Variants in HMX3 observed in about 807,000 individuals in gnomAD.
HMX3 encodes homeobox protein HMX3.
HMX3 carries 8 observed loss-of-function variants against 22.8 expected under a neutral mutation model. The ratio of observed to expected loss-of-function variants is 0.35; its 90% CI spans 0.21 to 0.63. The LOEUF is 0.63. Ranked by LOEUF, HMX3 falls within the 30% of genes least tolerant of loss-of-function variation. HMX3 has a pLI of 0.72. For missense variants in HMX3, 527 were observed against 520.6 expected (o/e 1.01, Z -0.12); for synonymous variants, 331 against 250.9 (o/e 1.32, Z -3.02).
chr10:123,136,209 G>A lies in HMX3; in HGVS notation c.159G>A (p.Arg53=), dbSNP rs1340437283. Residue 53 remains arginine, a synonymous_variant, in exon 1 of 2, where the codon CGG becomes CGA. Coordinates refer to ENST00000357878, the MANE Select transcript of HMX3 (RefSeq NM_001105574.2). The surrounding 1 kb of genome is among the most constrained non-coding windows in gnomAD (Gnocchi z 4.8). ...RPPPKPQPPP[R]TLFAPASAAA... ...CCCCTAAGCCTCAGCCGCCCCCACG[G>A]ACGCTCTTCGCGCCAGCCTCGGCTG... The A allele has an allele frequency of 5.1e-6, 7 of 1,373,432 alleles. No individual in the cohort carries two copies. The highest frequency in any genetic ancestry group is 2.0e-5 in the South Asian group (1 of 48,982). 85.1% of individuals were successfully genotyped at this position (1,373,432 alleles called of 1,614,324 possible).
At position 123,137,244 on chromosome 10, in the gene HMX3, C is replaced by T; in HGVS notation, c.587C>T (p.Ala196Val). 1 of 1,592,448 alleles carries T rather than the reference C, an allele frequency of 6.3e-7. No homozygotes were observed. Among genetic ancestry groups the T allele is most frequent in the African/African-American group, 1.3e-5 (1 of 74,690 alleles). The change falls in exon 2 of 2, where the codon GCC becomes GTC. Residue 196 changes from alanine (A) to valine (V), a missense_variant. Around this residue, in one of 3 missense-constraint regions of HMX3, gnomAD observed 386 missense variants for 337.8 expected, o/e 1.14. Coordinates refer to ENST00000357878, the MANE Select transcript of HMX3 (RefSeq NM_001105574.2). The surrounding 1 kb of genome is among the most constrained non-coding windows in gnomAD (Gnocchi z 5.8). Reference protein sequence around the residue: ...KKEGEAAPGAAGASVGAAAAT... With the variant: ...KKEGEAAPGAVGASVGAAAAT... ...GAAGGCGAAGCGGCGCCAGGCGCGG[C>T]CGGGGCGAGCGTAGGGGCGGCGGCG... is the stretch of plus-strand genomic sequence containing the variant.
Position 123,136,936 on chromosome 10 carries a change from G to A in HMX3, c.401-122G>A. The A allele has an allele frequency of 1.7e-6, 2 of 1,168,842 alleles. No homozygotes were observed. Among genetic ancestry groups the A allele is most frequent in the Admixed American group, 2.9e-5 (1 of 34,264 alleles). 72.4% of individuals were successfully genotyped at this position (1,168,842 alleles called of 1,614,324 possible). A position where few individuals can be genotyped will look rare whatever the true frequency, so the allele number is the denominator to read the frequency against. On this transcript the variant is annotated intron_variant, in intron 1 of 1. Transcript: ENST00000357878. This position sits in a 1 kb window ranked among gnomAD's most constrained non-coding sequence, Gnocchi z 4.8. ...GAAGGAGGCAGCCCGCGGGAATGGT[G>A]AGGCCTCATGGCCTGGGACCTGGAG...
Position 123,136,212 on chromosome 10 carries a change from G to A in HMX3, c.162G>A (p.Thr54=). Residue 54 remains threonine, a synonymous_variant, in exon 1 of 2, where the codon ACG becomes ACA. Transcript: ENST00000357878. The surrounding 1 kb of genome is among the most constrained non-coding windows in gnomAD (Gnocchi z 4.8). ...CTAAGCCTCAGCCGCCCCCACGGAC[G>A]CTCTTCGCGCCAGCCTCGGCTGCCG... The part of the protein sequence containing the change: ...PPPKPQPPPR[T]LFAPASAAAA... 7.4e-7 allele frequency: 1 copy of A among 1,357,800 alleles called. No homozygotes were observed. The highest frequency in any genetic ancestry group is 2.1e-5 in the South Asian group (1 of 46,832). 84.1% of individuals were successfully genotyped at this position (1,357,800 alleles called of 1,614,324 possible).
In HMX3 at chr10:123,139,345, G is replaced by T. The variant is rs1474047243; in HGVS notation, c.*1614G>T. Among the ~76,000 whole-genome samples the T allele has an allele frequency of 6.8e-6, 1 of 147,574 alleles. No homozygotes were observed. The highest frequency in any genetic ancestry group is 2.5e-5 in the African/African-American group (1 of 40,056). ...GTTGAGTCCCTTTTTAAGAAAAAGAGAAAAAAAAAACCCACAAAATATTGT... is the reference window on the plus strand; with the variant it reads ...GTTGAGTCCCTTTTTAAGAAAAAGATAAAAAAAAAACCCACAAAATATTGT... On this transcript the variant is annotated 3_prime_UTR_variant, in exon 2 of 2. Transcript: ENST00000357878.
rs1217506479 is a variant in HMX3, at chr10:123,138,149, T to TTTG, written c.*420_*421insGTT. On this transcript the variant is annotated 3_prime_UTR_variant, in exon 2 of 2. Transcript: ENST00000357878. ...TCCCTCTAGTTTATTCTTTTCTGCT[T>TTTG]TTTTTTTTTTTTCCGAGACGGAATC... is the stretch of plus-strand genomic sequence containing the variant. Among the ~76,000 whole-genome samples, 1 of 148,932 alleles carries TTTG rather than the reference T, an allele frequency of 6.7e-6. No individual in the cohort carries two copies. Among genetic ancestry groups the TTTG allele is most frequent in the Non-Finnish European group, 1.5e-5 (1 of 66,956 alleles).
In HMX3 at chr10:123,136,906, G is replaced by A; in HGVS notation, c.401-152G>A. On this transcript the variant is annotated intron_variant, in intron 1 of 1. Transcript: ENST00000357878. The surrounding 1 kb of genome is among the most constrained non-coding windows in gnomAD (Gnocchi z 4.8). ...GACTCGGCGTCCCTTCTCTGGCCCA[G>A]CCGAGAAGGAGGCAGCCCGCGGGAA... is the stretch of plus-strand genomic sequence containing the variant. 1 of 896,236 alleles carries A rather than the reference G, an allele frequency of 1.1e-6. No individual in the cohort carries two copies. Among genetic ancestry groups the A allele is most frequent in the Non-Finnish European group, 1.6e-6 (1 of 614,130 alleles). The allele number at this position is 896,236 out of a possible 1,614,324, so 55.5% of individuals were successfully genotyped here. A position where few individuals can be genotyped will look rare whatever the true frequency, so the allele number is the denominator to read the frequency against.
rs748837066 is a variant in HMX3, at chr10:123,137,407, C to A, written c.750C>A (p.Arg250=). The stretch of plus-strand genomic sequence containing the variant: ...TCGAGTCCACCTTCGACATGAAGCG[C>A]TATCTGAGCAGCTCGGAGCGAGCCG... ...FQLESTFDMK[R]YLSSSERAGL... Residue 250 remains arginine (R), a synonymous_variant, in exon 2 of 2, where the codon CGC becomes CGA. Coordinates refer to ENST00000357878, the MANE Select transcript of HMX3 (RefSeq NM_001105574.2). This position sits in a 1 kb window ranked among gnomAD's most constrained non-coding sequence, Gnocchi z 5.8. 1.2e-6 allele frequency: 2 copies of A among 1,613,532 alleles called. No homozygotes were observed. The highest frequency in any genetic ancestry group is 3.3e-5 in the Admixed American group (2 of 60,032).
chr10:123,137,343 A>C lies in HMX3; in HGVS notation c.686A>C (p.Lys229Thr), dbSNP rs1844088520. Residue 229 changes from lysine (K) to threonine (T), a missense_variant, in exon 2 of 2, where the codon AAG becomes ACG. Around this residue, in one of 3 missense-constraint regions of HMX3, gnomAD observed 386 missense variants for 337.8 expected, o/e 1.14. Coordinates refer to ENST00000357878, the MANE Select transcript of HMX3 (RefSeq NM_001105574.2). The surrounding 1 kb of genome is among the most constrained non-coding windows in gnomAD (Gnocchi z 5.8). ...PEKKPACRKK[K>T]TRTVFSRSQV... ...AAGAAGCCGGCGTGCCGCAAGAAGAAGACGCGCACAGTCTTCTCGCGCAGC... is the reference window on the plus strand; with the variant it reads ...AAGAAGCCGGCGTGCCGCAAGAAGACGACGCGCACAGTCTTCTCGCGCAGC... 1.9e-6 allele frequency: 3 copies of C among 1,612,666 alleles called. No homozygotes were observed. The highest frequency in any genetic ancestry group is 1.3e-5 in the African/African-American group (1 of 74,928).
chr10:123,137,153 G>A lies in HMX3; in HGVS notation c.496G>A (p.Glu166Lys). 2 of 1,607,270 alleles carry A rather than the reference G, an allele frequency of 1.2e-6. No homozygotes were observed. The highest frequency in any genetic ancestry group is 1.7e-6 in the Non-Finnish European group (2 of 1,177,060). Reference sequence around the variant, plus strand: ...GCTCAAGGCCGACCCCGATCACAAGGAGCTGGACTCCAAGAGCCCGGACGA... The same window carrying A: ...GCTCAAGGCCGACCCCGATCACAAGAAGCTGGACTCCAAGAGCCCGGACGA... ...PLLKADPDHK[E>K]LDSKSPDEII... Residue 166 changes from glutamate (E) to lysine (K), a missense_variant, in exon 2 of 2, where the codon GAG becomes AAG. Glu to Lys is a moderately conservative substitution (Grantham distance 56). Transcript: ENST00000357878. This position sits in a 1 kb window ranked among gnomAD's most constrained non-coding sequence, Gnocchi z 5.8.
Position 123,137,410 on chromosome 10 carries a change from T to A in HMX3, c.753T>A (p.Tyr251Ter). 6.2e-7 allele frequency: 1 copy of A among 1,613,418 alleles called. No individual in the cohort carries two copies. Among genetic ancestry groups the A allele is most frequent in the Non-Finnish European group, 8.5e-7 (1 of 1,179,932 alleles). Residue 251 changes from tyrosine (Y) to a stop codon, truncating the protein, a stop_gained, in exon 2 of 2, where the codon TAT (tyrosine) becomes TAA (stop). Coordinates refer to ENST00000357878, the MANE Select transcript of HMX3 (RefSeq NM_001105574.2). LOFTEE classifies it high-confidence loss of function. This position sits in a 1 kb window ranked among gnomAD's most constrained non-coding sequence, Gnocchi z 5.8. ...QLESTFDMKRYLSSSERAGLA... is the reference protein window; with the variant it reads ...QLESTFDMKR ...AGTCCACCTTCGACATGAAGCGCTA[T>A]CTGAGCAGCTCGGAGCGAGCCGGCC...
rs1325482197 is a variant in HMX3, at chr10:123,136,539, C to T, written c.400+89C>T. On this transcript the variant is annotated intron_variant, in intron 1 of 1. Coordinates refer to ENST00000357878, the MANE Select transcript of HMX3 (RefSeq NM_001105574.2). This position sits in a 1 kb window ranked among gnomAD's most constrained non-coding sequence, Gnocchi z 4.8. ...TGCTTCCCTCCGCAGTTCTGGGACC[C>T]CAGCACCCGCAAACCCTCTGCTCGG... 2.8e-6 allele frequency: 3 copies of T among 1,073,476 alleles called. No homozygotes were observed. The highest frequency in any genetic ancestry group is 3.7e-6 in the Non-Finnish European group (3 of 817,388). 66.5% of individuals were successfully genotyped at this position (1,073,476 alleles called of 1,614,324 possible).
Position 123,136,277 on chromosome 10 carries a change from C to G in HMX3, c.227C>G (p.Ala76Gly). 1 of 1,489,624 alleles carries G rather than the reference C, an allele frequency of 6.7e-7. No homozygotes were observed. Among genetic ancestry groups the G allele is most frequent in the South Asian group, 1.3e-5 (1 of 77,254 alleles). The allele number at this position is 1,489,624 out of a possible 1,614,324, so 92.3% of individuals were successfully genotyped here. A position where few individuals can be genotyped will look rare whatever the true frequency, so the allele number is the denominator to read the frequency against. ...AAAAAAAAKG[A>G]LEGAAGFALS... ...GCCGCTGCCGCGGCGGCCAAGGGGG[C>G]CCTGGAGGGCGCCGCGGGCTTCGCG... Residue 76 changes from alanine (A) to glycine (G), a missense_variant, in exon 1 of 2, where the codon GCC (alanine) becomes GGC (glycine). Physicochemically the swap from Ala to Gly is moderately conservative, Grantham distance 60 (BLOSUM62 0). This residue lies in a region of HMX3 where 386 missense variants were observed against 337.8 expected (regional missense o/e 1.14). Transcript: ENST00000357878. The surrounding 1 kb of genome is among the most constrained non-coding windows in gnomAD (Gnocchi z 4.8).
Position 123,137,653 on chromosome 10 carries a change from G to T in HMX3, c.996G>T (p.Gln332His). Residue 332 changes from glutamine (Q) to histidine (H), a missense_variant, in exon 2 of 2, where the codon CAG becomes CAT. Physicochemically the swap from Gln to His is conservative, Grantham distance 24. Around this residue, in one of 3 missense-constraint regions of HMX3, gnomAD observed 100 missense variants for 102.3 expected, o/e 0.98. Transcript: ENST00000357878. The surrounding 1 kb of genome is among the most constrained non-coding windows in gnomAD (Gnocchi z 5.8). ...CGGGGGCCCCGGTGCCAGTCAGCCA[G>T]CCGCTGCTCACCTTCCCGCACCCCG... ...AAAGAPVPVS[Q>H]PLLTFPHPVY... 6.6e-7 allele frequency: 1 copy of T among 1,506,912 alleles called. No homozygotes were observed. The highest frequency in any genetic ancestry group is 1.3e-5 in the South Asian group (1 of 75,676). The allele number at this position is 1,506,912 out of a possible 1,614,324, so 93.3% of individuals were successfully genotyped here.
Position 123,137,699 on chromosome 10 carries a change from G to C in HMX3, c.1042G>C (p.Val348Leu). The C allele has an allele frequency of 6.8e-7, 1 of 1,464,228 alleles. No individual in the cohort carries two copies. Among genetic ancestry groups the C allele is most frequent in the Non-Finnish European group, 9.0e-7 (1 of 1,115,508 alleles). 90.7% of individuals were successfully genotyped at this position (1,464,228 alleles called of 1,614,324 possible). The change falls in exon 2 of 2, where the codon GTC (valine) becomes CTC (leucine). Residue 348 changes from valine (V) to leucine (L), a missense_variant. Val to Leu is a conservative substitution (Grantham distance 32, BLOSUM62 1). Coordinates refer to ENST00000357878, the MANE Select transcript of HMX3 (RefSeq NM_001105574.2). This position sits in a 1 kb window ranked among gnomAD's most constrained non-coding sequence, Gnocchi z 5.8. ...PHPVYYSHPV[V>L]SSVPLLRPV is the part of the protein sequence containing the mutation. ...CCCCGTCTACTACTCGCACCCGGTG[G>C]TCTCTTCCGTGCCGCTGCTACGGCC... is the stretch of plus-strand genomic sequence containing the variant.
chr10:123,138,240 C>T lies in HMX3; in HGVS notation c.*509C>T, dbSNP rs899958993. Among the ~76,000 whole-genome samples, 2 of 151,410 alleles carry T rather than the reference C, an allele frequency of 1.3e-5. No homozygotes were observed. Among genetic ancestry groups the T allele is most frequent in the South Asian group, 2.1e-4 (1 of 4,788 alleles). On this transcript the variant is annotated 3_prime_UTR_variant, in exon 2 of 2. Coordinates refer to ENST00000357878, the MANE Select transcript of HMX3 (RefSeq NM_001105574.2). ...TCTCGGCTCACTTCGACCTCCGCCT[C>T]CCGGGTTCAAGTGATTCTCCTGTCT...
Position 123,137,401 on chromosome 10 carries a change from G to C in HMX3, c.744G>C (p.Met248Ile). 6.2e-7 allele frequency: 1 copy of C among 1,613,490 alleles called. No homozygotes were observed. The highest frequency in any genetic ancestry group is 8.5e-7 in the Non-Finnish European group (1 of 1,179,946). Residue 248 changes from methionine (M) to isoleucine (I), a missense_variant, in exon 2 of 2, where the codon ATG (methionine) becomes ATC (isoleucine). By Grantham distance (10) the Met-to-Ile change is conservative. Coordinates refer to ENST00000357878, the MANE Select transcript of HMX3 (RefSeq NM_001105574.2). This position sits in a 1 kb window ranked among gnomAD's most constrained non-coding sequence, Gnocchi z 5.8. Reference protein sequence around the residue: ...QVFQLESTFDMKRYLSSSERA... With the variant: ...QVFQLESTFDIKRYLSSSERA... The stretch of plus-strand genomic sequence containing the variant: ...TCCAGCTCGAGTCCACCTTCGACAT[G>C]AAGCGCTATCTGAGCAGCTCGGAGC...
Position 123,137,972 on chromosome 10 carries a change from A to G in HMX3, c.*241A>G, listed in dbSNP as rs146795896. ...CTCTTACTTTTGGTTTTTGGCTTAT[A>G]TTAAGAGAAAGCAGGAACAAGACAA... On this transcript the variant is annotated 3_prime_UTR_variant, in exon 2 of 2. Transcript: ENST00000357878. The surrounding 1 kb of genome is among the most constrained non-coding windows in gnomAD (Gnocchi z 5.8). 2.0e-5 allele frequency among the ~76,000 whole-genome samples: 3 copies of G among 152,324 alleles called. No individual in the cohort carries two copies. Among genetic ancestry groups the G allele is most frequent in the Non-Finnish European group, 4.4e-5 (3 of 68,034 alleles).
Position 123,136,135 on chromosome 10 carries a change from TC to T in HMX3, c.89del (p.Pro30ArgfsTer93). 9.8e-7 allele frequency: 1 copy of T among 1,017,838 alleles called. No individual in the cohort carries two copies. The highest frequency in any genetic ancestry group is 5.5e-5 in the Admixed American group (1 of 18,328). The allele number at this position is 1,017,838 out of a possible 1,614,324, so 63.1% of individuals were successfully genotyped here. ...GCCCCCCCCACCCGCTCCCAAGGAG[TC>T]CCCGTTCTCCATCAAGAACCTGCTC... Reference protein sequence around the residue: ...PPPPPPAPKESPFSIKNLLNG... With the variant: ...PPPPPPAPKEXPFSIKNLLNG... On this transcript the variant is annotated frameshift_variant, in exon 1 of 2. Coordinates refer to ENST00000357878, the MANE Select transcript of HMX3 (RefSeq NM_001105574.2). LOFTEE classifies it high-confidence loss of function. This position sits in a 1 kb window ranked among gnomAD's most constrained non-coding sequence, Gnocchi z 4.8.
At position 123,137,333 on chromosome 10, in the gene HMX3, C is replaced by A. The variant is rs760920188; in HGVS notation, c.676C>A (p.Arg226Ser). The change falls in exon 2 of 2, where the codon CGC becomes AGC. Residue 226 changes from arginine to serine, a missense_variant. This residue lies in a region of HMX3 where 386 missense variants were observed against 337.8 expected (regional missense o/e 1.14). Transcript: ENST00000357878. The surrounding 1 kb of genome is among the most constrained non-coding windows in gnomAD (Gnocchi z 5.8). ...AAGTCCAGAGAAGAAGCCGGCGTGC[C>A]GCAAGAAGAAGACGCGCACAGTCTT... ...AESPEKKPAC[R>S]KKKTRTVFSR... 17 of 1,611,898 alleles carry A rather than the reference C, an allele frequency of 1.1e-5. No homozygotes were observed. Among genetic ancestry groups the A allele is most frequent in the East Asian group, 2.2e-5 (1 of 44,780 alleles).
Sources: allele counts gnomAD v4.1 joint callset (sites outside exome capture counted in the v4.1 genomes callset), GRCh38; gene constraint gnomAD v4.1.1; regional missense constraint gnomAD v4.1.1; non-coding constraint Gnocchi (gnomAD v3.1); transcripts MANE v1.5; gene names NCBI Gene and HGNC (gene_info 2026-07-23, HGNC 2026-07-21).